Variants in C8orf89 observed in about 807,000 individuals in gnomAD.
The protein encoded by C8orf89 is putative uncharacterized protein C8orf89.
Under a neutral mutation model 15.8 loss-of-function variants are expected in C8orf89, and 14 were observed. The observed-to-expected ratio is 0.89, with a 90% CI of 0.59 to 1.39. The LOEUF is 1.39. Ranked by LOEUF, C8orf89 falls within the 40% of genes most tolerant of loss-of-function variation. The pLI, the probability that C8orf89 is intolerant of heterozygous loss-of-function variation, is 0.00. For synonymous variants in C8orf89, 55 were observed against 62.2 expected, an observed-to-expected ratio of 0.88 and a Z score of 0.54; for missense variants, 181 against 184.5, an observed-to-expected ratio of 0.98 and a Z score of 0.11.
At chr8:73,283,429 C>T in the C8orf89 span, among the ~76,000 whole-genome samples, 4 of 152,146 alleles carry the variant, frequency 2.6e-5, no homozygotes, top group South Asian at 8.3e-4. Context: ...AAATGTGCCC[C>T]TCAAGAGCTA....
upstream of C8orf89, among the ~76,000 whole-genome samples, chr8:73,263,731 G>A (rs1358218578): frequency 6.6e-6 from 1 of 152,134 alleles, no homozygotes; most frequent in African/African-American, 2.4e-5. Context: ...CTCTCCTGAA[G>A]CTTAATTGGG....
intron 3 of C8orf89, among the ~76,000 whole-genome samples, chr8:73,245,616 T>C (rs10957650): frequency 0.033 from 5,056 of 151,920 alleles, 241 homozygotes; most frequent in African/African-American, 0.11. Context: ...AAGCCTCTGG[T>C]GACATTACTC....
Position 73,250,157 on chromosome 8 carries a change from A to G in C8orf89, c.337+111T>C, listed in dbSNP as rs868323765. 6 of 642,666 alleles carry G rather than the reference A, an allele frequency of 9.3e-6. No individual in the cohort carries two copies. In the Middle Eastern group the frequency reaches 7.6e-4, roughly 82 times the overall value. 39.8% of individuals were successfully genotyped at this position (642,666 alleles called of 1,614,324 possible). On this transcript the variant is annotated intron_variant, in intron 3 of 3. Coordinates refer to ENST00000624510, the MANE Select transcript of C8orf89 (RefSeq NM_001243237.3). The stretch of plus-strand genomic sequence containing the variant: ...AAAATAAACAAAGCTTAAAAGAAGT[A>G]GTAACAAAACAAAGATAATTAATCA...
chr8:73,276,396 T>C, the C8orf89 span, among the ~76,000 whole-genome samples: 3 of 152,162 alleles, frequency 2.0e-5, no homozygotes, highest in Non-Finnish European at 4.4e-5. Context: ...CAGCCTATTC[T>C]TGAACGCCTG....
Position 73,250,228 on chromosome 8 carries a change from AC to A in C8orf89, c.337+39del, listed in dbSNP as rs781459599. The A allele has an allele frequency of 2.9e-6, 4 of 1,386,498 alleles. No homozygotes were observed. In the South Asian group the frequency reaches 3.8e-5, roughly 13 times the overall value. The allele number at this position is 1,386,498 out of a possible 1,614,324, so 85.9% of individuals were successfully genotyped here. On this transcript the variant is annotated intron_variant, in intron 3 of 3. Transcript: ENST00000624510. ...TTTAAAAAAAGATAAGGTATATGAC[AC>A]CCAAGAGAGGTAGTAGAAAAAAGGA...
intron 1 of C8orf89, among the ~76,000 whole-genome samples, chr8:73,258,491 T>C (rs77849803): frequency 0.086 from 13,070 of 151,422 alleles, 1,229 homozygotes; most frequent in African/African-American, 0.24. Flanking sequence ...GAAATATAAT[T>C]AACTTGAAAG....
At chr8:73,256,726 C>CA (rs11288188) in intron 2 of C8orf89, among the ~76,000 whole-genome samples, 2,013 of 42,842 alleles carry the variant, frequency 0.047, 176 homozygotes, top group African/African-American at 0.09. Context: ...GACTCTGTCT[C>CA]AAAAAAAAAA....
At chr8:73,276,618 T>C in the C8orf89 span, among the ~76,000 whole-genome samples, 2 of 152,146 alleles carry the variant, frequency 1.3e-5, no homozygotes. Context: ...AGCATGACCA[T>C]TCTATTATGA....
intron 3 of C8orf89, among the ~76,000 whole-genome samples, chr8:73,244,826 G>A (rs60384717): frequency 0.075 from 11,380 of 152,018 alleles, 736 homozygotes; most frequent in African/African-American, 0.18. Flanking sequence ...TCAAAGAATC[G>A]GTATCATACA....
the C8orf89 span, among the ~76,000 whole-genome samples, chr8:73,276,088 G>C: frequency 1.3e-5 from 2 of 151,648 alleles, no homozygotes; most frequent in Admixed American, 1.3e-4. Flanking sequence ...CCTGAGAAAG[G>C]GTTCATAGGA....
intron 2 of C8orf89, among the ~76,000 whole-genome samples, chr8:73,250,904 T>G (rs1383748466): frequency 6.6e-6 from 1 of 152,000 alleles, no homozygotes; most frequent in Admixed American, 6.5e-5. Flanking sequence ...GCTCAAGCAA[T>G]TTTCCTGCGT....
chr8:73,264,993 G>A, the C8orf89 span, among the ~76,000 whole-genome samples: 1 of 152,128 alleles, frequency 6.6e-6, no homozygotes, highest in Non-Finnish European at 1.5e-5. Flanking sequence ...CCTAGTCATA[G>A]GTGGCTACTG....
At chr8:73,251,948 G>T (rs1007466899) in intron 2 of C8orf89, among the ~76,000 whole-genome samples, 2 of 152,130 alleles carry the variant, frequency 1.3e-5, no homozygotes, top group South Asian at 4.1e-4. Flanking sequence ...AAGTGTCTTG[G>T]TTACGATGTA....
At chr8:73,249,987 A>C (rs1315840733) in intron 3 of C8orf89, among the ~76,000 whole-genome samples, 1 of 152,094 alleles carries the variant, frequency 6.6e-6, no homozygotes, top group Admixed American at 6.6e-5. Context: ...TGTGGTATTG[A>C]AGGATTTCAA....
intron 2 of C8orf89, among the ~76,000 whole-genome samples, chr8:73,251,369 T>C (rs1813243842): frequency 6.6e-6 from 1 of 152,200 alleles, no homozygotes; most frequent in South Asian, 2.1e-4. Context: ...CGCTGTGCAA[T>C]GTGCACAGGA....
chr8:73,283,885 CAAA>C, the C8orf89 span, among the ~76,000 whole-genome samples: 7 of 151,200 alleles, frequency 4.6e-5, no homozygotes, highest in Admixed American at 2.6e-4. Context: ...ATTAAAAATA[CAAA>C]AAAAATTACT....
At chr8:73,282,276 T>C in the C8orf89 span, among the ~76,000 whole-genome samples, 29,967 of 152,202 alleles carry the variant, frequency 0.2, 3,017 homozygotes, top group Middle Eastern at 0.23. Context: ...TAGCCACTTA[T>C]ACAACTATAA....
intron 3 of C8orf89, among the ~76,000 whole-genome samples, chr8:73,244,648 G>C (rs150287814): frequency 2.6e-5 from 4 of 152,092 alleles, no homozygotes; most frequent in African/African-American, 9.6e-5. Flanking sequence ...TGTTTGTTTT[G>C]TTTTGTTTGC....
intron 3 of C8orf89, among the ~76,000 whole-genome samples, chr8:73,242,914 T>C (rs1379841538): frequency 6.6e-6 from 1 of 152,136 alleles, no homozygotes; most frequent in Admixed American, 6.6e-5. Flanking sequence ...GAAGTGTCCA[T>C]CAACAGATGA....
Sources: gnomAD v4.1 joint callset for allele counts (sites outside exome capture counted in the v4.1 genomes callset) on GRCh38, gnomAD v4.1.1 for gene constraint, MANE v1.5 for transcripts, NCBI Gene and HGNC (gene_info 2026-07-23, HGNC 2026-07-21) for gene names.